PCDH11X: variants seen among roughly 807,000 people sequenced by gnomAD.
The protein encoded by PCDH11X is protocadherin 11 X-linked, also known as protocadherin-11 X-linked.
PCDH11X carries 18 observed loss-of-function variants against 53.3 expected under a neutral mutation model. That is an observed-to-expected ratio of 0.34 (90% CI 0.23 to 0.50). The LOEUF (loss-of-function observed/expected upper bound fraction) is 0.50. Among genes scored for constraint, PCDH11X ranks in the 20% least tolerant of loss-of-function variants. PCDH11X has a pLI of 0.98. For missense variants in PCDH11X, 570 were observed against 1,032.4 expected (o/e 0.55, Z 6.14); for synonymous variants, 279 against 393.3 (o/e 0.71, Z 3.44).
In PCDH11X at chrX:92,620,419, A is replaced by C. The variant is rs1928394851; in HGVS notation, c.*1479A>C. 1 of 106,300 alleles carries C rather than the reference A, an allele frequency of 9.4e-6. No individual in the cohort carries two copies. The allele number at this position is 106,300 out of a possible 1,213,427, so 8.8% of individuals were successfully genotyped here. A position where few individuals can be genotyped will look rare whatever the true frequency, so the allele number is the denominator to read the frequency against. ...ATTTTCTTCCATAGCAAAACTGAGA[A>C]AATACCTTGTTTCAGTATAACACTA... On this transcript the variant is annotated 3_prime_UTR_variant, in exon 11 of 11. Transcript: ENST00000682573.
At chrX:91,940,690 A>G (rs1274301811) in intron 6 of PCDH11X, among the ~76,000 whole-genome samples, 2 of 70,602 alleles carry the variant, frequency 2.8e-5, no homozygotes, top group Non-Finnish European at 4.9e-5. Context: ...CACATGGCTA[A>G]TAGAATTTTT....
intron 10 of PCDH11X, among the ~76,000 whole-genome samples, chrX:92,550,064 T>G (rs1264626473): frequency 9.0e-6 from 1 of 110,773 alleles, no homozygotes; most frequent in Non-Finnish European, 1.9e-5. Flanking sequence ...AGTTGTAATT[T>G]TGTATCCTTT....
intron 8 of PCDH11X, among the ~76,000 whole-genome samples, chrX:92,340,581 C>T (rs1011023143): frequency 2.7e-5 from 3 of 112,099 alleles, no homozygotes; most frequent in Admixed American, 9.4e-5. Flanking sequence ...TCTTCTGAAG[C>T]AGTGGTGTGA....
intron 6 of PCDH11X, among the ~76,000 whole-genome samples, chrX:92,080,870 A>G (rs1044606928): frequency 2.7e-5 from 3 of 111,185 alleles, no homozygotes; most frequent in Non-Finnish European, 3.8e-5. Context: ...CTGGATAGAT[A>G]AAGTTAGTTT....
intron 10 of PCDH11X, among the ~76,000 whole-genome samples, chrX:92,585,293 T>C (rs1476721815): frequency 9.0e-6 from 1 of 110,686 alleles, no homozygotes; most frequent in Non-Finnish European, 1.9e-5. Context: ...CACGTGAGAT[T>C]TGGGCAGGGT....
intron 6 of PCDH11X, among the ~76,000 whole-genome samples, chrX:91,970,092 G>C (rs1455270372): frequency 2.7e-5 from 3 of 111,150 alleles, no homozygotes; most frequent in African/African-American, 9.8e-5. Flanking sequence ...AGAGTTGTTC[G>C]TTCCTCCTGG....
At chrX:92,084,091 A>C (rs1186671504) in intron 6 of PCDH11X, among the ~76,000 whole-genome samples, 4 of 108,096 alleles carry the variant, frequency 3.7e-5, no homozygotes, top group African/African-American at 1.0e-4. Context: ...ACTCTGTCAA[A>C]AACAACAACA....
At chrX:92,449,318 G>T (rs764416311) in intron 9 of PCDH11X, among the ~76,000 whole-genome samples, 1 of 111,802 alleles carries the variant, frequency 8.9e-6, no homozygotes, top group Non-Finnish European at 1.9e-5. Context: ...TTCTGTATTA[G>T]AAATTGTAAT....
rs149981871 is a variant in PCDH11X at position 92,339,560 on chromosome X, G to A, written c.3145-48175G>A. ...GAGTCCTCAGGAACTTTACCATCAC[G>A]GTGGAAGGCCTAAGGGGAGCAGGCA... is the stretch of plus-strand genomic sequence containing the variant. On this transcript the variant is annotated intron_variant, in intron 8 of 10. Coordinates refer to ENST00000682573, the MANE Select transcript of PCDH11X (RefSeq NM_032968.5). 6.8e-3 allele frequency among the ~76,000 whole-genome samples: 758 copies of A among 111,267 alleles called. 3 individuals carry two copies. Among genetic ancestry groups the A allele is most frequent in the African/African-American group, 0.024 (728 of 30,613 alleles).
intron 6 of PCDH11X, among the ~76,000 whole-genome samples, chrX:92,081,739 T>C (rs867738023): frequency 1.1e-3 from 93 of 81,540 alleles, no homozygotes; most frequent in Admixed American, 3.2e-3. Flanking sequence ...CACACACACA[T>C]ACATACAAAC....
intron 4 of PCDH11X, among the ~76,000 whole-genome samples, chrX:91,815,843 A>C (rs2147569661): frequency 9.0e-6 from 1 of 110,504 alleles, no homozygotes; most frequent in African/African-American, 3.3e-5. Flanking sequence ...AAGCAACATT[A>C]TATAGTGGAT....
intron 6 of PCDH11X, among the ~76,000 whole-genome samples, chrX:92,112,408 A>G (rs2064539024): frequency 9.1e-6 from 1 of 110,308 alleles, no homozygotes; most frequent in African/African-American, 3.3e-5. Flanking sequence ...TTTCCCAAAG[A>G]ATTCCTGAAA....
At chrX:92,231,607 G>A (rs1186706099) in intron 7 of PCDH11X, among the ~76,000 whole-genome samples, 1 of 111,755 alleles carries the variant, frequency 8.9e-6, no homozygotes, top group East Asian at 2.8e-4. Flanking sequence ...CCTTTAATAT[G>A]TTTGTACTTG....
At chrX:92,010,343 G>C (rs760275784) in intron 6 of PCDH11X, among the ~76,000 whole-genome samples, 18 of 109,727 alleles carry the variant, frequency 1.6e-4, no homozygotes, top group Non-Finnish European at 3.2e-4. Context: ...TTTGAACAGT[G>C]AAGCCAATTA....
chrX:91,822,461 C>T (rs751323617), intron 4 of PCDH11X, among the ~76,000 whole-genome samples: 12 of 111,145 alleles, frequency 1.1e-4, no homozygotes, highest in East Asian at 2.8e-4. Flanking sequence ...TTTATTTGCG[C>T]AGAGGTGTTT....
intron 7 of PCDH11X, among the ~76,000 whole-genome samples, chrX:92,223,001 T>C (rs1216119270): frequency 8.9e-6 from 1 of 112,127 alleles, no homozygotes; most frequent in African/African-American, 3.2e-5. Flanking sequence ...TTCTTTATTT[T>C]TACAGACATG....
chrX:92,451,528 A>G (rs866423141), intron 9 of PCDH11X, among the ~76,000 whole-genome samples: 1 of 108,277 alleles, frequency 9.2e-6, no homozygotes, highest in African/African-American at 3.5e-5. Flanking sequence ...ATCATTCACC[A>G]CTTGAGTTCC....
At chrX:92,094,711 T>C (rs2064106617) in intron 6 of PCDH11X, among the ~76,000 whole-genome samples, 1 of 111,766 alleles carries the variant, frequency 8.9e-6, no homozygotes, top group Non-Finnish European at 1.9e-5. Context: ...TTTAGGACAG[T>C]TGGATTTTAA....
rs1410273882 is a variant in PCDH11X at position 92,284,912 on chromosome X, C to T, written c.3144+21769C>T. Among the ~76,000 whole-genome samples the T allele has an allele frequency of 8.1e-5, 9 of 111,209 alleles. No homozygotes were observed. In the South Asian group the frequency reaches 1.5e-3, roughly 19 times the overall value. On this transcript the variant is annotated intron_variant, in intron 8 of 10. Coordinates refer to ENST00000682573, the MANE Select transcript of PCDH11X (RefSeq NM_032968.5). ...TTAATCTGAAGGACTTGATAAGATA[C>T]GCCAAATTGCTTAGAAACAATTTGT...
Sources: allele counts gnomAD v4.1 joint callset (sites outside exome capture counted in the v4.1 genomes callset), GRCh38; gene constraint gnomAD v4.1.1; transcripts MANE v1.5; gene names NCBI Gene and HGNC (gene_info 2026-07-23, HGNC 2026-07-21).